Variants in PDE4DIP observed in about 807,000 individuals in gnomAD.
PDE4DIP encodes the protein phosphodiesterase 4D interacting protein, also known as myomegalin.
PDE4DIP carries 59 observed loss-of-function variants against 221.4 expected under a neutral mutation model. The observed-to-expected ratio is 0.27, with a 90% CI of 0.22 to 0.33. The LOEUF (loss-of-function observed/expected upper bound fraction) is 0.33, where lower values mean the gene tolerates loss of function less well. Ranked by LOEUF, PDE4DIP falls within the 10% of genes least tolerant of loss-of-function variation. PDE4DIP has a pLI of 1.00. For missense variants in PDE4DIP, 1,036 were observed against 2,154.2 expected, an observed-to-expected ratio of 0.48 and a Z score of 10.28; for synonymous variants, 404 against 815.9, an observed-to-expected ratio of 0.50 and a Z score of 8.60.
exon 28 of PDE4DIP, chr1:149,007,320 C>T (rs782495437): frequency 1.3e-6 from 2 of 1,539,468 alleles, no homozygotes; most frequent in Non-Finnish European, 1.8e-6. Context: ...ACAGTAAAAT[C>T]TTTTGAGGAT....
At position 148,968,992 on chromosome 1, in the gene PDE4DIP, C is replaced by G. The variant is rs587699949; in HGVS notation, c.1942C>G (p.Leu648Val). The change falls in exon 14 of 44, where the codon CTG (leucine) becomes GTG (valine). Residue 648 changes from leucine to valine, a missense_variant. Coordinates refer to ENST00000369354, the Ensembl canonical transcript of PDE4DIP. ...GGAACATGAAATGGAGATTCAAGGC[C>G]TGCTTCAGTCTGTGAGCACCAGGGA... 14 of 1,608,694 alleles carry G rather than the reference C, an allele frequency of 8.7e-6. No homozygotes were observed. In the South Asian group the frequency reaches 1.5e-4, roughly 18 times the overall value.
chr1:148,962,923 C>G (rs1424332353), intron 9 of PDE4DIP, among the ~76,000 whole-genome samples: 1 of 152,114 alleles, frequency 6.6e-6, no homozygotes, highest in South Asian at 2.1e-4. Context: ...GACAGAGTCT[C>G]GCTCTGTCGC....
At chr1:148,936,940 A>C (rs1404267196) in intron 4 of PDE4DIP, among the ~76,000 whole-genome samples, 4 of 152,216 alleles carry the variant, frequency 2.6e-5, no homozygotes, top group African/African-American at 9.6e-5. Context: ...AGGCTACTTT[A>C]CAGTTATTTT....
chr1:148,933,295 T>G (rs1333745904), intron 4 of PDE4DIP, among the ~76,000 whole-genome samples: 2 of 152,222 alleles, frequency 1.3e-5, no homozygotes, highest in East Asian at 3.9e-4. Flanking sequence ...TCAAGAACTT[T>G]AAATAATTGT....
chr1:148,952,022 C>T (rs2053467044), intron 5 of PDE4DIP: 5 of 1,003,506 alleles, frequency 5.0e-6, no homozygotes, highest in Non-Finnish European at 6.0e-6. Flanking sequence ...CGGCGCTGCC[C>T]CGCTGGCAGC....
intron 5 of PDE4DIP, among the ~76,000 whole-genome samples, chr1:148,958,012 A>G (rs1318218213): frequency 1.4e-5 from 2 of 147,694 alleles, no homozygotes; most frequent in African/African-American, 5.1e-5. Context: ...TAAATGATGA[A>G]TTTATTTATT....
At chr1:148,967,231 A>G (rs1299996288) in intron 12 of PDE4DIP, among the ~76,000 whole-genome samples, 4 of 151,822 alleles carry the variant, frequency 2.6e-5, no homozygotes, top group African/African-American at 7.3e-5. Context: ...CATAGTTCTG[A>G]TTTATTTCCA....
chr1:148,965,545 G>T (rs151030520), exon 10 of PDE4DIP: 1 of 1,606,454 alleles, frequency 6.2e-7, no homozygotes, highest in African/African-American at 1.3e-5. Flanking sequence ...CAACAGCTTC[G>T]TGCCTGGGAG....
chr1:148,975,999 G>T (rs2060104420), intron 17 of PDE4DIP, among the ~76,000 whole-genome samples: 2 of 151,546 alleles, frequency 1.3e-5, no homozygotes, highest in East Asian at 4.0e-4. Flanking sequence ...ATGAGAATGT[G>T]TGGCATTTAA....
intron 5 of PDE4DIP, chr1:148,952,137 C>T: frequency 1.9e-6 from 2 of 1,030,290 alleles, no homozygotes; most frequent in Non-Finnish European, 2.3e-6. Flanking sequence ...TCCTTGAGGG[C>T]ACTGGTGCGA....
chr1:148,929,396 A>G, intron 2 of PDE4DIP, 123 bp downstream of exon 5: 3 of 1,344,516 alleles, frequency 2.2e-6, no homozygotes, highest in East Asian at 5.2e-5. Flanking sequence ...TGATTCAGGA[A>G]CTGAAACAAT....
At chr1:149,001,205 T>C (rs1176945655) in intron 23 of PDE4DIP, among the ~76,000 whole-genome samples, 2 of 152,232 alleles carry the variant, frequency 1.3e-5, no homozygotes, top group East Asian at 3.8e-4. Context: ...ATAATAGAAC[T>C]GTAAAATTTA....
chr1:148,954,820 C>T (rs1437740423), intron 5 of PDE4DIP, among the ~76,000 whole-genome samples: 14 of 152,050 alleles, frequency 9.2e-5, no homozygotes, highest in Non-Finnish European at 1.5e-5. Flanking sequence ...CTGGCATGTT[C>T]CACTTGATAC....
chr1:148,901,609 AC>A (rs2040635626), intron 1 of PDE4DIP, among the ~76,000 whole-genome samples: 1 of 141,328 alleles, frequency 7.1e-6, no homozygotes, highest in Non-Finnish European at 1.6e-5. Flanking sequence ...CTTCATGCAC[AC>A]AGGGCTTTAG....
chr1:148,910,574 C>T lies in PDE4DIP; in HGVS notation c.142-18623C>T, dbSNP rs1467060937. On this transcript the variant is annotated intron_variant, in intron 1 of 43. Coordinates refer to ENST00000369354, the Ensembl canonical transcript of PDE4DIP. The stretch of plus-strand genomic sequence containing the variant: ...GTTTGTATCACTGAACTCCAGTGAT[C>T]AGACTGCACTCCTGGGCAACAGATC... 1.4e-4 allele frequency among the ~76,000 whole-genome samples: 10 copies of T among 69,628 alleles called. 2 individuals are homozygous for T. Among genetic ancestry groups the T allele is most frequent in the Non-Finnish European group, 2.7e-5 (1 of 36,878 alleles). The allele number at this position is 69,628 out of a possible 152,430, so 45.7% of individuals were successfully genotyped here.
At chr1:149,010,881 G>A (rs1197705007) in intron 31 of PDE4DIP, among the ~76,000 whole-genome samples, 12 of 147,424 alleles carry the variant, frequency 8.1e-5, no homozygotes, top group Middle Eastern at 3.2e-3. Flanking sequence ...TATCCTGGGA[G>A]CAAAGAGGCA....
chr1:149,012,625 C>T (rs782362435), exon 32 of PDE4DIP: 4 of 1,608,896 alleles, frequency 2.5e-6, no homozygotes, highest in Non-Finnish European at 3.4e-6. Flanking sequence ...AGCTGGCTAG[C>T]CTTCCTCAGG....
chr1:148,979,052 GAGAA>G (rs1292430813), intron 19 of PDE4DIP, among the ~76,000 whole-genome samples: 8 of 144,228 alleles, frequency 5.5e-5, no homozygotes, highest in African/African-American at 7.6e-5. Context: ...AAAAAAAAAA[GAGAA>G]AGAAACCCCT....
intron 37 of PDE4DIP, among the ~76,000 whole-genome samples, chr1:149,022,144 A>C (rs2073185137): frequency 6.8e-6 from 1 of 146,618 alleles, no homozygotes; most frequent in South Asian, 2.3e-4. Context: ...GTGTAGGACA[A>C]AGGTTGCTAG....
Sources: gnomAD v4.1 joint callset for allele counts (sites outside exome capture counted in the v4.1 genomes callset) on GRCh38, gnomAD v4.1.1 for gene constraint, MANE v1.5 for transcripts, NCBI Gene and HGNC (gene_info 2026-07-23, HGNC 2026-07-21) for gene names.